CTNNA2: variants seen among roughly 807,000 people sequenced by gnomAD.
CTNNA2 encodes the protein catenin alpha-2.
CTNNA2 carries 42 observed loss-of-function variants against 101.0 expected under a neutral mutation model. The ratio of observed to expected loss-of-function variants is 0.42; its 90% CI spans 0.32 to 0.54. CTNNA2 has a LOEUF of 0.54. Among genes scored for constraint, CTNNA2 ranks in the 20% least tolerant of loss-of-function variants. The probability of loss-of-function intolerance (pLI) is 0.14; values close to 1 mark genes in which losing one functional copy is unlikely to be tolerated. For missense variants in CTNNA2, 871 were observed against 1,223.1 expected (o/e 0.71, Z 4.29); for synonymous variants, 450 against 456.4 (o/e 0.99, Z 0.18).
intron 9 of CTNNA2, among the ~76,000 whole-genome samples, chr2:80,455,841 G>A (rs1416811396): frequency 4.6e-5 from 7 of 152,122 alleles, no homozygotes; most frequent in Non-Finnish European, 5.9e-5. Flanking sequence ...CATATTATGA[G>A]CATAATTTTG....
At chr2:79,629,998 C>T (rs763563030) in intron 1 of CTNNA2, among the ~76,000 whole-genome samples, 4 of 152,152 alleles carry the variant, frequency 2.6e-5, no homozygotes, top group Non-Finnish European at 5.9e-5. Context: ...CCAATATTTC[C>T]CCTGCCCTGT....
At chr2:79,885,997 G>A (rs568911566) in intron 6 of CTNNA2, among the ~76,000 whole-genome samples, 1 of 152,310 alleles carries the variant, frequency 6.6e-6, no homozygotes, top group African/African-American at 2.4e-5. Context: ...CATTCAAAGT[G>A]TATATGTGCC....
In CTNNA2 at chr2:79,453,063, A is replaced by G. The variant is rs565534556; in HGVS notation, c.-134-51991A>G. ...TGGAGAAACTGGAACCATATTGCTA[A>G]CTTAAACTGAGCACTTTGGGAATGC... On this transcript the variant is annotated intron_variant, in intron 4 of 21. Transcript: ENST00000466387. 1.8e-4 allele frequency among the ~76,000 whole-genome samples: 28 copies of G among 152,282 alleles called. No individual in the cohort carries two copies. The South Asian group carries it at 4.1e-3, about 23-fold the overall frequency.
chr2:80,311,981 T>A (rs74746870), intron 7 of CTNNA2, among the ~76,000 whole-genome samples: 1 of 152,196 alleles, frequency 6.6e-6, no homozygotes, highest in African/African-American at 2.4e-5. Context: ...TGTCATAATT[T>A]TATCAATTAT....
At chr2:80,028,800 C>T (rs1695102477) in intron 7 of CTNNA2, among the ~76,000 whole-genome samples, 1 of 152,080 alleles carries the variant, frequency 6.6e-6, no homozygotes, top group Admixed American at 6.6e-5. Context: ...GGGCCAAGGG[C>T]CAGGGAATGC....
At chr2:79,318,950 A>G (rs1676556816) in intron 3 of CTNNA2, among the ~76,000 whole-genome samples, 1 of 152,180 alleles carries the variant, frequency 6.6e-6, no homozygotes, top group African/African-American at 2.4e-5. Context: ...TCAACTGACT[A>G]CTACTGAAAT....
intron 3 of CTNNA2, among the ~76,000 whole-genome samples, chr2:79,787,989 T>G (rs185320590): frequency 8.6e-4 from 131 of 152,242 alleles, no homozygotes; most frequent in African/African-American, 2.9e-3. Flanking sequence ...CAATCCCTAC[T>G]AGTGCCAATC....
In CTNNA2 at chr2:80,624,922, C is replaced by A. The variant is rs528120631; in HGVS notation, c.2574+5694C>A. ...CTTACAGATATCTCTTGCCAATGAT[C>A]TGTGGCTCTGTCATTGCCCTTGTTA... On this transcript the variant is annotated intron_variant, in intron 18 of 18. Coordinates refer to ENST00000402739, the MANE Select transcript of CTNNA2 (RefSeq NM_001282597.3). 4.6e-5 allele frequency among the ~76,000 whole-genome samples: 7 copies of A among 151,986 alleles called. No homozygotes were observed. The East Asian group carries it at 1.2e-3, about 25-fold the overall frequency.
chr2:79,523,172 G>T, intron 1 of CTNNA2: 1 of 358,798 alleles, frequency 2.8e-6, no homozygotes, highest in Non-Finnish European at 5.5e-6. Flanking sequence ...GCATTTTTTT[G>T]GAATTTAAGT....
chr2:79,858,637 C>G (rs1045271344), intron 4 of CTNNA2, among the ~76,000 whole-genome samples: 1 of 152,134 alleles, frequency 6.6e-6, no homozygotes, highest in African/African-American at 2.4e-5. Flanking sequence ...TAGCCTTGCT[C>G]TCCTGTAGAT....
chr2:80,174,861 A>G (rs866205434), intron 7 of CTNNA2, among the ~76,000 whole-genome samples: 1 of 152,286 alleles, frequency 6.6e-6, no homozygotes, highest in Non-Finnish European at 1.5e-5. Flanking sequence ...TGTGTACTAC[A>G]TCACATATGA....
intron 7 of CTNNA2, among the ~76,000 whole-genome samples, chr2:79,938,263 A>G (rs1687921957): frequency 6.6e-6 from 1 of 152,206 alleles, no homozygotes; most frequent in African/African-American, 2.4e-5. Flanking sequence ...ATAAACATAT[A>G]CATTGTAGAG....
intron 17 of CTNNA2, 141 bp downstream of exon 17, chr2:80,608,459 T>C: frequency 1.3e-6 from 1 of 787,940 alleles, no homozygotes; most frequent in Non-Finnish European, 1.9e-6. Context: ...GTTATCACCA[T>C]TATTCCAGAC....
chr2:80,565,521 T>G (rs1255596162), intron 12 of CTNNA2, among the ~76,000 whole-genome samples: 1 of 138,852 alleles, frequency 7.2e-6, no homozygotes, highest in African/African-American at 2.9e-5. Context: ...TATGCTCACC[T>G]TTTTTTTTTT....
rs216630 is a variant in CTNNA2, at chr2:80,589,638, C to G, written c.2189+153C>G. The stretch of plus-strand genomic sequence containing the variant: ...TACATGTATAAGTCAAAATGATCTG[C>G]ACTTAATTCCTAGCAGATAGGTATA... On this transcript the variant is annotated intron_variant, in intron 15 of 18. Transcript: ENST00000402739. Among the ~76,000 whole-genome samples the G allele has an allele frequency of 0.55, 83,109 of 152,024 alleles. 22,995 individuals are homozygous for G. The highest frequency in any genetic ancestry group is 0.62 in the East Asian group (3,205 of 5,152).
At chr2:80,244,858 A>G (rs947482443) in intron 7 of CTNNA2, among the ~76,000 whole-genome samples, 32 of 152,276 alleles carry the variant, frequency 2.1e-4, no homozygotes, top group Middle Eastern at 6.8e-3. Context: ...AGTCATTTCC[A>G]TATCACACAT....
intron 7 of CTNNA2, among the ~76,000 whole-genome samples, chr2:80,347,679 G>T (rs1672867716): frequency 7.3e-6 from 1 of 137,108 alleles, no homozygotes; most frequent in Non-Finnish European, 1.5e-5. Context: ...GTTGACACTG[G>T]ATTTAGGGTT....
chr2:79,432,598 G>GT (rs930835902), intron 4 of CTNNA2, among the ~76,000 whole-genome samples: 2 of 152,206 alleles, frequency 1.3e-5, no homozygotes, highest in African/African-American at 4.8e-5. Flanking sequence ...GAAGTTGGAA[G>GT]TGCTGATCAG....
intron 2 of CTNNA2, among the ~76,000 whole-genome samples, chr2:79,218,620 G>T (rs1180411590): frequency 6.6e-6 from 1 of 152,144 alleles, no homozygotes; most frequent in South Asian, 2.1e-4. Flanking sequence ...TGTTTGCATG[G>T]AGAATGGAAC....
Sources: gnomAD v4.1 joint callset for allele counts (sites outside exome capture counted in the v4.1 genomes callset) on GRCh38, gnomAD v4.1.1 for gene constraint, MANE v1.5 for transcripts, NCBI Gene and HGNC (gene_info 2026-07-23, HGNC 2026-07-21) for gene names.